Variants in PAM observed in about 807,000 individuals in gnomAD.
PAM encodes peptidyl-glycine alpha-amidating monooxygenase.
In PAM, 72 loss-of-function variants were observed where a neutral mutation model predicts 122.1. The observed-to-expected ratio is 0.59, with a 90% CI of 0.49 to 0.72. The LOEUF is 0.72. Ranked by LOEUF, PAM falls within the 30% of genes least tolerant of loss-of-function variation. The probability of loss-of-function intolerance (pLI) is 0.00; values close to 1 mark genes in which losing one functional copy is unlikely to be tolerated. For synonymous variants in PAM, 389 were observed against 404.4 expected (o/e 0.96, Z 0.46); for missense variants, 1,106 against 1,183.7 (o/e 0.93, Z 0.96).
chr5:102,987,711 A>G (rs753548646), intron 15 of PAM: 14 of 348,172 alleles, frequency 4.0e-5, no homozygotes, highest in African/African-American at 8.7e-5. Context: ...GGTAGCAGCC[A>G]TTTGCAATTG....
intron 1 of PAM, among the ~76,000 whole-genome samples, chr5:102,832,376 A>G (rs554636497): frequency 6.6e-6 from 1 of 152,146 alleles, no homozygotes; most frequent in African/African-American, 2.4e-5. Flanking sequence ...ATTCCTATGT[A>G]CAGCAGTTCC....
At chr5:102,862,596 G>T (rs954350640) in intron 1 of PAM, among the ~76,000 whole-genome samples, 2 of 152,168 alleles carry the variant, frequency 1.3e-5, no homozygotes, top group Non-Finnish European at 2.9e-5. Context: ...ATAAGAGTGG[G>T]AACGTTATCT....
At chr5:102,906,610 T>C (rs903626891) in intron 4 of PAM, among the ~76,000 whole-genome samples, 7 of 151,732 alleles carry the variant, frequency 4.6e-5, no homozygotes, top group Admixed American at 6.6e-5. Flanking sequence ...ACTTCACTTC[T>C]CTTTCCTGAA....
intron 1 of PAM, among the ~76,000 whole-genome samples, chr5:102,810,043 CT>C (rs766660735): frequency 2.6e-5 from 4 of 151,988 alleles, no homozygotes; most frequent in African/African-American, 4.8e-5. Flanking sequence ...TGTTTAAAAC[CT>C]TTTCATTAAA....
chr5:102,938,875 G>C (rs867086037), intron 7 of PAM, among the ~76,000 whole-genome samples: 42 of 152,166 alleles, frequency 2.8e-4, no homozygotes, highest in Middle Eastern at 3.4e-3. Flanking sequence ...ACTCCCACAG[G>C]CTTCCTGCCT....
intron 3 of PAM, among the ~76,000 whole-genome samples, chr5:102,882,090 T>TACACAC (rs1791406153): frequency 2.1e-5 from 2 of 96,156 alleles, no homozygotes; most frequent in African/African-American, 1.1e-4. Flanking sequence ...TATATATATA[T>TACACAC]ATATATATAT....
Position 102,867,313 on chromosome 5 carries a change from G to C in PAM, c.130G>C (p.Gly44Arg), listed in dbSNP as rs1785921774. ...CAGACCATTTTCCAATGAATGTCTT[G>C]GTACCACCAGACCCGTAGTTCCTAT... ...TTRPFSNECL[G>R]TTRPVVPIDS... is the part of the protein sequence containing the mutation. The change falls in exon 3 of 26, where the codon GGT (glycine) becomes CGT (arginine). Residue 44 changes from glycine (G) to arginine (R), a missense_variant. Transcript: ENST00000438793. 1.2e-6 allele frequency: 2 copies of C among 1,602,806 alleles called. No homozygotes were observed. The highest frequency in any genetic ancestry group is 1.7e-6 in the Non-Finnish European group (2 of 1,170,186).
intron 12 of PAM, among the ~76,000 whole-genome samples, chr5:102,956,053 A>C (rs1760624345): frequency 6.6e-6 from 1 of 152,086 alleles, no homozygotes; most frequent in South Asian, 2.1e-4. Flanking sequence ...AAAGGAATAA[A>C]GTATGACTCT....
chr5:102,803,346 A>T (rs1765401400), intron 1 of PAM, among the ~76,000 whole-genome samples: 7 of 152,138 alleles, frequency 4.6e-5, no homozygotes. Context: ...GGGTAACAAG[A>T]GATGTTTCTT....
chr5:102,995,557 G>C (rs753821080), intron 16 of PAM, among the ~76,000 whole-genome samples: 10 of 152,058 alleles, frequency 6.6e-5, no homozygotes, highest in Middle Eastern at 3.2e-3. Context: ...CTGATTCTCA[G>C]TTGCTTGCCT....
intron 12 of PAM, among the ~76,000 whole-genome samples, chr5:102,953,742 A>G (rs374031348): frequency 1.3e-5 from 2 of 152,182 alleles, no homozygotes; most frequent in Non-Finnish European, 2.9e-5. Flanking sequence ...GGCCGAGTAC[A>G]ATGGCTCATG....
At chr5:102,811,633 C>T (rs1377144688) in intron 1 of PAM, among the ~76,000 whole-genome samples, 1 of 152,156 alleles carries the variant, frequency 6.6e-6, no homozygotes, top group East Asian at 1.9e-4. Flanking sequence ...TCTTTGGGGG[C>T]CATTATTCTA....
In PAM at chr5:102,930,851, T is replaced by G. The variant is rs1445737437; in HGVS notation, c.526+4183T>G. 2.6e-5 allele frequency among the ~76,000 whole-genome samples: 4 copies of G among 152,222 alleles called. No individual in the cohort carries two copies. The East Asian group carries it at 7.7e-4, about 29-fold the overall frequency. On this transcript the variant is annotated intron_variant, in intron 7 of 25. Coordinates refer to ENST00000438793, the MANE Select transcript of PAM (RefSeq NM_001177306.2). ...TATAGACTTTTAAATTTTCTAAAAC[T>G]TAATATTCCATAGGAAATAGGATGT...
At chr5:102,971,013 G>T (rs1034488843) in intron 14 of PAM, among the ~76,000 whole-genome samples, 2 of 152,054 alleles carry the variant, frequency 1.3e-5, no homozygotes, top group African/African-American at 4.8e-5. Context: ...CACCACGTAG[G>T]CCAGGCTGTT....
chr5:102,840,204 A>G (rs768542478), intron 1 of PAM, among the ~76,000 whole-genome samples: 14 of 152,210 alleles, frequency 9.2e-5, no homozygotes, highest in Non-Finnish European at 1.5e-4. Flanking sequence ...TAAATTTTCA[A>G]TGATGATGCT....
rs1306749401 is a variant in PAM, at chr5:102,870,226, A to AT, written c.210+2840dup. 3.9e-5 allele frequency among the ~76,000 whole-genome samples: 6 copies of AT among 152,210 alleles called. No homozygotes were observed. The East Asian group carries it at 7.7e-4, about 20-fold the overall frequency. Reference sequence around the variant, plus strand: ...TAAAGAAATGTATTCATTCCACAAGATTTTTTTAAAATAAAGTACATCTTA... The same window carrying AT: ...TAAAGAAATGTATTCATTCCACAAGATTTTTTTTAAAATAAAGTACATCTTA... On this transcript the variant is annotated intron_variant, in intron 3 of 25. Coordinates refer to ENST00000438793, the MANE Select transcript of PAM (RefSeq NM_001177306.2).
chr5:103,021,878 C>T (rs1562273028), intron 23 of PAM, among the ~76,000 whole-genome samples: 1 of 151,866 alleles, frequency 6.6e-6, no homozygotes, highest in African/African-American at 2.4e-5. Flanking sequence ...TTTTTAATCC[C>T]CAAATTTGAG....
intron 1 of PAM, among the ~76,000 whole-genome samples, chr5:102,763,003 G>C (rs1752827454): frequency 6.6e-6 from 1 of 152,182 alleles, no homozygotes; most frequent in South Asian, 2.1e-4. Flanking sequence ...CTGATGATGA[G>C]TCAAGGAGCT....
At chr5:102,798,982 A>G (rs572229314) in intron 1 of PAM, among the ~76,000 whole-genome samples, 28 of 152,336 alleles carry the variant, frequency 1.8e-4, no homozygotes, top group Admixed American at 1.7e-3. Flanking sequence ...ATGTATATGA[A>G]TCTGCTGTTG....
Sources: gnomAD v4.1 joint callset for allele counts (sites outside exome capture counted in the v4.1 genomes callset) on GRCh38, gnomAD v4.1.1 for gene constraint, MANE v1.5 for transcripts, NCBI Gene and HGNC (gene_info 2026-07-23, HGNC 2026-07-21) for gene names.